Variants in PIGU observed in about 807,000 individuals in gnomAD.
PIGU encodes GPI-anchor transamidase component PIGU.
A neutral mutation model predicts 49.9 loss-of-function variants in PIGU; 24 were observed. The ratio of observed to expected loss-of-function variants is 0.48; its 90% CI spans 0.35 to 0.68. The LOEUF (loss-of-function observed/expected upper bound fraction) is 0.68, where lower values mean the gene tolerates loss of function less well. Ranked by LOEUF, PIGU falls within the 30% of genes least tolerant of loss-of-function variation. The pLI, the probability that PIGU is intolerant of heterozygous loss-of-function variation, is 0.01. For missense variants in PIGU, 490 were observed against 532.6 expected (o/e 0.92, Z 0.79); for synonymous variants, 220 against 205.7 (o/e 1.07, Z -0.59).
chr20:34,586,667 C>T (rs1007251354), intron 8 of PIGU, among the ~76,000 whole-genome samples: 2 of 152,128 alleles, frequency 1.3e-5, no homozygotes, highest in African/African-American at 2.4e-5. Flanking sequence ...GAGCCTGGCA[C>T]GCAGAGGGCA....
At chr20:34,658,457 A>G (rs377456435) in intron 1 of PIGU, among the ~76,000 whole-genome samples, 1 of 141,700 alleles carries the variant, frequency 7.1e-6, no homozygotes, top group Non-Finnish European at 1.5e-5. Context: ...GCCGCCCATC[A>G]TCTGGGATGT....
chr20:34,667,859 C>T (rs1987151811), intron 1 of PIGU, among the ~76,000 whole-genome samples: 1 of 152,086 alleles, frequency 6.6e-6, no homozygotes, highest in African/African-American at 2.4e-5. Context: ...CAAAGGGAAA[C>T]AGTCACTTTA....
intron 1 of PIGU, among the ~76,000 whole-genome samples, chr20:34,665,506 T>G (rs954256047): frequency 7.0e-6 from 1 of 143,256 alleles, no homozygotes; most frequent in African/African-American, 2.6e-5. Flanking sequence ...CCCGGCCCAA[T>G]TTTTTTTGTA....
intron 1 of PIGU, among the ~76,000 whole-genome samples, chr20:34,669,629 TGCACTCCAGC>T (rs1293897096): frequency 6.8e-6 from 1 of 146,280 alleles, no homozygotes; most frequent in African/African-American, 2.5e-5. Flanking sequence ...ATCACACCAC[TGCACTCCAGC>T]CTGGGCAACA....
At chr20:34,669,107 A>AC (rs1417942933) in intron 1 of PIGU, among the ~76,000 whole-genome samples, 13 of 151,982 alleles carry the variant, frequency 8.6e-5, no homozygotes, top group Non-Finnish European at 1.6e-4. Flanking sequence ...GACTGGTCAT[A>AC]AATTCCAGAG....
At chr20:34,636,492 C>T (rs1241519054) in intron 5 of PIGU, among the ~76,000 whole-genome samples, 1 of 151,938 alleles carries the variant, frequency 6.6e-6, no homozygotes, top group Non-Finnish European at 1.5e-5. Flanking sequence ...TGCAGTGAGC[C>T]GAGATTGCAC....
chr20:34,666,493 C>T (rs1378995056), intron 1 of PIGU, among the ~76,000 whole-genome samples: 1 of 149,802 alleles, frequency 6.7e-6, no homozygotes, highest in African/African-American at 2.5e-5. Flanking sequence ...TAACTGATAA[C>T]TAACCCATGA....
chr20:34,662,396 CTTTTT>C (rs34871084), intron 1 of PIGU, among the ~76,000 whole-genome samples: 1 of 131,302 alleles, frequency 7.6e-6, no homozygotes. Flanking sequence ...AGCCCTTTGC[CTTTTT>C]TTTTTTTTTT....
chr20:34,668,961 TG>T (rs1987216363), intron 1 of PIGU, among the ~76,000 whole-genome samples: 1 of 135,226 alleles, frequency 7.4e-6, no homozygotes, highest in Admixed American at 8.5e-5. Context: ...CATAGCTCAA[TG>T]CAGCTTCCTC....
At chr20:34,613,196 A>T (rs900949241) in intron 7 of PIGU, among the ~76,000 whole-genome samples, 2 of 151,864 alleles carry the variant, frequency 1.3e-5, no homozygotes, top group Admixed American at 6.6e-5. Context: ...CTCTGACTTG[A>T]TCTAGTACAA....
At chr20:34,613,643 T>C (rs575098019) in intron 7 of PIGU, among the ~76,000 whole-genome samples, 115 of 152,334 alleles carry the variant, frequency 7.5e-4, no homozygotes, top group African/African-American at 2.5e-3. Flanking sequence ...GCTATATATA[T>C]TCTTAGTGCT....
chr20:34,587,980 A>G (rs1265507009), intron 8 of PIGU, among the ~76,000 whole-genome samples: 1 of 152,214 alleles, frequency 6.6e-6, no homozygotes, highest in Non-Finnish European at 1.5e-5. Context: ...AATCTTCAAC[A>G]AACTGATTTC....
chr20:34,619,495 T>C (rs1237873853), intron 6 of PIGU, among the ~76,000 whole-genome samples: 1 of 152,192 alleles, frequency 6.6e-6, no homozygotes, highest in Non-Finnish European at 1.5e-5. Context: ...CCTGGTTCTC[T>C]ACGGATTGAA....
rs1986693362 is a variant in PIGU, at chr20:34,656,263, C to T, written c.195+917G>A. Among the ~76,000 whole-genome samples the T allele has an allele frequency of 1.9e-5, 2 of 108,072 alleles. 1 individual carries two copies. Among genetic ancestry groups the T allele is most frequent in the Non-Finnish European group, 3.8e-5 (2 of 52,830 alleles). 70.9% of individuals were successfully genotyped at this position (108,072 alleles called of 152,430 possible). On this transcript the variant is annotated intron_variant, in intron 2 of 11. Transcript: ENST00000217446. ...CTGGGATTACAGGTGTAAGCCACCG[C>T]GCCTGGCCTGTTTATAATTTTTTTT...
At chr20:34,638,986 G>A (rs1376940003) in intron 4 of PIGU, among the ~76,000 whole-genome samples, 2 of 152,126 alleles carry the variant, frequency 1.3e-5, no homozygotes, top group Non-Finnish European at 2.9e-5. Context: ...TATTTCAGAG[G>A]AGCCAAGATA....
chr20:34,666,446 G>GT (rs1987093291), intron 1 of PIGU, among the ~76,000 whole-genome samples: 1 of 148,048 alleles, frequency 6.8e-6, no homozygotes, highest in Admixed American at 6.6e-5. Context: ...ATTGTAAAAT[G>GT]TAAGTTTTTT....
At chr20:34,631,791 T>A (rs1985783687) in intron 6 of PIGU, among the ~76,000 whole-genome samples, 7 of 14,902 alleles carry the variant, frequency 4.7e-4, no homozygotes, top group Admixed American at 1.2e-3. Context: ...ATATATTTTT[T>A]TTTTTTTTTT....
intron 6 of PIGU, 82 bp downstream of exon 6, chr20:34,634,530 AAAC>A: frequency 7.7e-6 from 11 of 1,430,088 alleles, no homozygotes; most frequent in South Asian, 6.7e-5. Flanking sequence ...ATTAAAAAAA[AAAC>A]AAAACAAAAC....
intron 1 of PIGU, among the ~76,000 whole-genome samples, chr20:34,675,073 C>A (rs1568671615): frequency 6.6e-6 from 1 of 151,410 alleles, no homozygotes; most frequent in South Asian, 2.1e-4. Context: ...ACATGGAGAA[C>A]CCCTGTCTCT....
Sources: allele counts gnomAD v4.1 joint callset (sites outside exome capture counted in the v4.1 genomes callset), GRCh38; gene constraint gnomAD v4.1.1; transcripts MANE v1.5; gene names NCBI Gene and HGNC (gene_info 2026-07-23, HGNC 2026-07-21).